SVEP1: variants seen among roughly 807,000 people sequenced by gnomAD.
SVEP1 encodes sushi, von Willebrand factor type A, EGF and pentraxin domain containing 1.
In SVEP1, 164 loss-of-function variants were observed where a neutral mutation model predicts 367.3. The ratio of observed to expected loss-of-function variants is 0.45; its 90% CI spans 0.39 to 0.51. The LOEUF (loss-of-function observed/expected upper bound fraction) is 0.51, where lower values mean the gene tolerates loss of function less well. Ranked by LOEUF, SVEP1 falls within the 20% of genes least tolerant of loss-of-function variation. The pLI, the probability that SVEP1 is intolerant of heterozygous loss-of-function variation, is 0.00. For synonymous variants in SVEP1, 1,666 were observed against 1,611.6 expected, an observed-to-expected ratio of 1.03 and a Z score of -0.81; for missense variants, 4,117 against 4,425.3, an observed-to-expected ratio of 0.93 and a Z score of 1.98.
In SVEP1 at chr9:110,406,489, C is replaced by T. The variant is rs768537616; in HGVS notation, c.9111G>A (p.Lys3037=). The change falls in exon 38 of 48, where the codon AAG becomes AAA. Residue 3037 remains lysine, a synonymous_variant. Coordinates refer to ENST00000374469, the MANE Select transcript of SVEP1 (RefSeq NM_153366.4). Reference sequence around the variant, plus strand: ...AGGTGATTTCAGAAAGTCCTAGGAGCTTGAAGCCTTTGAAGCACTGAATCC... The same window carrying T: ...AGGTGATTTCAGAAAGTCCTAGGAGTTTGAAGCCTTTGAAGCACTGAATCC... ...AARIQCFKGF[K]LLGLSEITCE... 17 of 1,613,878 alleles carry T rather than the reference C, an allele frequency of 1.1e-5. No homozygotes were observed. The highest frequency in any genetic ancestry group is 1.4e-5 in the Non-Finnish European group (17 of 1,179,878).
At chr9:110,386,545 G>C (rs1340814266) in intron 42 of SVEP1, among the ~76,000 whole-genome samples, 1 of 152,218 alleles carries the variant, frequency 6.6e-6, no homozygotes, top group Non-Finnish European at 1.5e-5. Flanking sequence ...TTCTATGTGA[G>C]CTGAATGTGA....
At chr9:110,564,446 A>G (rs961394962) in intron 1 of SVEP1, among the ~76,000 whole-genome samples, 1 of 152,202 alleles carries the variant, frequency 6.6e-6, no homozygotes, top group Non-Finnish European at 1.5e-5. Context: ...CAACAAGCCA[A>G]CTCTGGAACG....
intron 40 of SVEP1, among the ~76,000 whole-genome samples, chr9:110,390,182 T>TATACTTGC (rs1473432337): frequency 5.7e-5 from 3 of 52,358 alleles, no homozygotes; most frequent in Admixed American, 4.5e-4. Flanking sequence ...TATGTATGTA[T>TATACTTGC]ATATACACTT....
intron 3 of SVEP1, 66 bp from the exon 4 acceptor site, chr9:110,514,172 T>C: frequency 6.5e-7 from 1 of 1,548,226 alleles, no homozygotes; most frequent in Non-Finnish European, 8.8e-7. Flanking sequence ...AACAAAACAT[T>C]TGAAATTAAT....
At chr9:110,573,181 TA>T (rs5741690) in intron 1 of SVEP1, among the ~76,000 whole-genome samples, 28,757 of 144,726 alleles carry the variant, frequency 0.2, 2,794 homozygotes, top group East Asian at 0.28. Context: ...CCCCTTCCTA[TA>T]AAAAAAAAAA....
At chr9:110,561,655 A>T (rs1830428982) in intron 1 of SVEP1, among the ~76,000 whole-genome samples, 1 of 152,210 alleles carries the variant, frequency 6.6e-6, no homozygotes, top group Non-Finnish European at 1.5e-5. Flanking sequence ...TATACCAGGC[A>T]CTGTACTAGG....
chr9:110,551,945 G>A (rs1830292006), intron 1 of SVEP1, among the ~76,000 whole-genome samples: 1 of 151,222 alleles, frequency 6.6e-6, no homozygotes, highest in African/African-American at 2.4e-5. Flanking sequence ...TTTCCATCTG[G>A]ATATCTGGGA....
At chr9:110,451,495 G>C (rs1474096612) in intron 22 of SVEP1, 93 bp from the exon 23 acceptor site, 2 of 758,916 alleles carry the variant, frequency 2.6e-6, no homozygotes, top group Non-Finnish European at 4.2e-6. Flanking sequence ...ATTGGAATAG[G>C]GAAATTGGAA....
intron 1 of SVEP1, among the ~76,000 whole-genome samples, chr9:110,563,355 TTA>T (rs1830453901): frequency 6.6e-6 from 1 of 152,196 alleles, no homozygotes; most frequent in South Asian, 2.1e-4. Flanking sequence ...GTAATTATTA[TTA>T]TGTTTTCCTG....
chr9:110,521,370 C>A (rs868453), intron 3 of SVEP1, among the ~76,000 whole-genome samples: 68,221 of 151,586 alleles, frequency 0.45, 15,357 homozygotes, highest in Middle Eastern at 0.55. Context: ...TGAATCTGAA[C>A]CCTGATGTGG....
intron 40 of SVEP1, among the ~76,000 whole-genome samples, chr9:110,394,446 TCTC>T (rs892208971): frequency 5.3e-5 from 8 of 152,120 alleles, no homozygotes; most frequent in African/African-American, 1.9e-4. Flanking sequence ...TCAGAGCGCC[TCTC>T]CTCCTCCAAA....
rs550730495 is a variant in SVEP1 at position 110,546,174 on chromosome 9, T to C, written c.905A>G (p.His302Arg). Residue 302 changes from histidine (H) to arginine (R), a missense_variant, in exon 3 of 48, where the codon CAT becomes CGT. Physicochemically the swap from His to Arg is conservative, Grantham distance 29. Coordinates refer to ENST00000374469, the MANE Select transcript of SVEP1 (RefSeq NM_153366.4). ...CCCCTTTTCACAGATGCACTCAAAA[T>C]GGCCTGTGTGTGTCCCACATTTGCA... ...GSCKCGTHTG[H>R]FECICEKGYY... 1.2e-5 allele frequency: 18 copies of C among 1,558,478 alleles called. No individual in the cohort carries two copies. In the East Asian group the frequency reaches 1.7e-4, roughly 15 times the overall value.
At chr9:110,540,447 A>G (rs1332814096) in intron 3 of SVEP1, among the ~76,000 whole-genome samples, 1 of 152,164 alleles carries the variant, frequency 6.6e-6, no homozygotes, top group Non-Finnish European at 1.5e-5. Context: ...GTTTTTTAAA[A>G]AAACAACAAC....
chr9:110,541,315 G>A (rs1830142285), intron 3 of SVEP1, among the ~76,000 whole-genome samples: 1 of 151,946 alleles, frequency 6.6e-6, no homozygotes, highest in Non-Finnish European at 1.5e-5. Context: ...AATAACATCT[G>A]CTTTCTTCAA....
Position 110,400,867 on chromosome 9 carries a change from C to T in SVEP1, c.9809G>A (p.Gly3270Asp), listed in dbSNP as rs1402846210. The stretch of plus-strand genomic sequence containing the variant: ...TTGTTCGCTTACCTCTAGTTCATAG[C>T]CAGGCTCACACTGATAAATAATTGT... ...ESTIIYQCEP[G>D]YELEGNRERV... Residue 3270 changes from glycine (G) to aspartate (D), a missense_variant, in exon 40 of 48, where the codon GGC (glycine) becomes GAC (aspartate). Gly to Asp is a moderately conservative substitution (Grantham distance 94). This residue lies in a region of SVEP1 where 1,765 missense variants were observed against 1,781.1 expected (regional missense o/e 0.99). Transcript: ENST00000374469. 1.2e-6 allele frequency: 2 copies of T among 1,612,464 alleles called. No individual in the cohort carries two copies. The highest frequency in any genetic ancestry group is 1.3e-5 in the African/African-American group (1 of 74,830).
intron 28 of SVEP1, among the ~76,000 whole-genome samples, chr9:110,435,969 AG>A: frequency 1.3e-5 from 2 of 152,082 alleles, no homozygotes; most frequent in African/African-American, 4.8e-5. Context: ...GTTTGACTCT[AG>A]GCTGGTTTTA....
At chr9:110,438,963 A>G (rs950021538) in intron 27 of SVEP1, among the ~76,000 whole-genome samples, 3 of 152,216 alleles carry the variant, frequency 2.0e-5, no homozygotes, top group Non-Finnish European at 4.4e-5. Context: ...GTCGAAAACC[A>G]TATACACAAT....
intron 24 of SVEP1, among the ~76,000 whole-genome samples, 182 bp from the exon 25 acceptor site, chr9:110,447,239 T>C (rs1176693304): frequency 6.6e-6 from 1 of 152,234 alleles, no homozygotes; most frequent in African/African-American, 2.4e-5. Flanking sequence ...TAAGACAAGA[T>C]GTATTAGAAA....
intron 40 of SVEP1, among the ~76,000 whole-genome samples, chr9:110,390,265 A>ACT (rs1564127436): frequency 1.2e-5 from 1 of 84,444 alleles, no homozygotes; most frequent in Non-Finnish European, 2.3e-5. Context: ...ATAAGTATGT[A>ACT]TATATATACT....
Sources: gnomAD v4.1 joint callset for allele counts (sites outside exome capture counted in the v4.1 genomes callset) on GRCh38, gnomAD v4.1.1 for gene constraint, gnomAD v4.1.1 regional missense constraint, MANE v1.5 for transcripts, NCBI Gene and HGNC (gene_info 2026-07-23, HGNC 2026-07-21) for gene names.